RABGAP1L: variants seen among roughly 807,000 people sequenced by gnomAD.
The protein encoded by RABGAP1L is RAB GTPase activating protein 1 like, also known as rab GTPase-activating protein 1-like.
A neutral mutation model predicts 137.7 loss-of-function variants in RABGAP1L; 63 were observed. That is an observed-to-expected ratio of 0.46 (90% CI 0.37 to 0.56). The LOEUF (loss-of-function observed/expected upper bound fraction) is 0.56. Ranked by LOEUF, RABGAP1L falls within the 20% of genes least tolerant of loss-of-function variation. The probability of loss-of-function intolerance (pLI) is 0.00; values close to 1 mark genes in which losing one functional copy is unlikely to be tolerated. For missense variants in RABGAP1L, 1,095 were observed against 1,244.0 expected (o/e 0.88, Z 1.80); for synonymous variants, 431 against 433.7 (o/e 0.99, Z 0.08).
chr1:174,230,686 G>A (rs1159910571), intron 3 of RABGAP1L, among the ~76,000 whole-genome samples: 1 of 152,160 alleles, frequency 6.6e-6, no homozygotes, highest in Non-Finnish European at 1.5e-5. Flanking sequence ...ATAAGGCTAT[G>A]ACACAGGGTT....
rs796608260 is a variant in RABGAP1L, at chr1:174,808,152, AT to A, written c.2212-3672del. ...GCACCCATCACCATGCCCGGCTAAAATTTTTTTTGTATTTTTAGTAGAGATG... is the reference window on the plus strand; with the variant it reads ...GCACCCATCACCATGCCCGGCTAAAATTTTTTTGTATTTTTAGTAGAGATG... On this transcript the variant is annotated intron_variant, in intron 18 of 25. Coordinates refer to ENST00000681986, the MANE Select transcript of RABGAP1L (RefSeq NM_001366446.1). Among the ~76,000 whole-genome samples, 4 of 150,736 alleles carry A rather than the reference AT, an allele frequency of 2.7e-5. No individual in the cohort carries two copies. The East Asian group carries it at 5.8e-4, about 22-fold the overall frequency.
At chr1:174,534,991 A>G (rs960463397) in intron 13 of RABGAP1L, among the ~76,000 whole-genome samples, 1 of 152,100 alleles carries the variant, frequency 6.6e-6, no homozygotes, top group Admixed American at 6.5e-5. Context: ...CATTGAGGTT[A>G]TGCTCACATC....
At chr1:174,250,448 A>G (rs780790211) in intron 5 of RABGAP1L, 27 bp from the exon 6 acceptor site, 4 of 1,574,928 alleles carry the variant, frequency 2.5e-6, no homozygotes, top group Admixed American at 1.7e-5. Flanking sequence ...CCTTTGCCTA[A>G]TGGTATTTCC....
chr1:174,814,029 T>C (rs549669613), intron 19 of RABGAP1L, among the ~76,000 whole-genome samples: 65 of 152,190 alleles, frequency 4.3e-4, no homozygotes, highest in Non-Finnish European at 8.1e-4. Flanking sequence ...AGGAAAACAA[T>C]TGAAAAACAT....
intron 13 of RABGAP1L, among the ~76,000 whole-genome samples, chr1:174,457,418 T>C (rs1392561712): frequency 6.6e-6 from 1 of 151,686 alleles, no homozygotes; most frequent in Non-Finnish European, 1.5e-5. Context: ...AATATTAACA[T>C]GGGTAGAAGT....
Position 174,198,982 on chromosome 1 carries a change from C to T in RABGAP1L, c.-33-20143C>T, listed in dbSNP as rs1667906808. ...AATTAGCCGGGCGTGGTGGCGCATG[C>T]CTGTAATCCCAGCTACTCGGGAGGC... On this transcript the variant is annotated intron_variant, in intron 1 of 25. Coordinates refer to ENST00000681986, the MANE Select transcript of RABGAP1L (RefSeq NM_001366446.1). 1.3e-5 allele frequency among the ~76,000 whole-genome samples: 2 copies of T among 152,162 alleles called. 1 individual carries two copies. The highest frequency in any genetic ancestry group is 4.1e-4 in the South Asian group (2 of 4,830).
At position 174,471,151 on chromosome 1, in the gene RABGAP1L, T is replaced by C. The variant is rs185427419; in HGVS notation, c.1710+77006T>C. On this transcript the variant is annotated intron_variant, in intron 13 of 25. Transcript: ENST00000681986. ...ATTTACTATGATTTCTATTTCTATA[T>C]TCGTGTATGTTTTTGTGTTTGAGTT... Among the ~76,000 whole-genome samples the C allele has an allele frequency of 1.1e-3, 169 of 152,348 alleles. 1 individual carries two copies. The highest frequency in any genetic ancestry group is 1.9e-3 in the Non-Finnish European group (132 of 68,026).
intron 18 of RABGAP1L, among the ~76,000 whole-genome samples, chr1:174,766,288 A>C (rs1252662327): frequency 6.6e-6 from 1 of 152,294 alleles, no homozygotes; most frequent in Middle Eastern, 3.4e-3. Flanking sequence ...AGCATACCAT[A>C]CACTAGGGGT....
intron 19 of RABGAP1L, among the ~76,000 whole-genome samples, chr1:174,818,101 G>C (rs1383596493): frequency 1.3e-5 from 2 of 152,228 alleles, no homozygotes; most frequent in Non-Finnish European, 2.9e-5. Flanking sequence ...ACTGAAGTGA[G>C]ATCTGAGCTA....
intron 13 of RABGAP1L, among the ~76,000 whole-genome samples, chr1:174,401,483 G>A (rs763616663): frequency 7.2e-5 from 11 of 152,056 alleles, no homozygotes; most frequent in Non-Finnish European, 1.2e-4. Context: ...GTAAGCTTTC[G>A]GAATTAACAT....
At chr1:174,777,490 A>G (rs989232327) in intron 18 of RABGAP1L, among the ~76,000 whole-genome samples, 7 of 152,196 alleles carry the variant, frequency 4.6e-5, no homozygotes, top group Non-Finnish European at 8.8e-5. Context: ...TGGGGGCAAA[A>G]TCACCCCTGG....
At chr1:174,844,054 C>T (rs1435510070) in intron 19 of RABGAP1L, among the ~76,000 whole-genome samples, 64 of 150,960 alleles carry the variant, frequency 4.2e-4, no homozygotes, top group South Asian at 2.3e-3. Flanking sequence ...TCATGTCCTT[C>T]GCCCACTTTT....
At position 174,988,823 on chromosome 1, in the gene RABGAP1L, C is replaced by T. The variant is rs1182706690; in HGVS notation, c.2988C>T (p.Ala996=). 6.5e-7 allele frequency: 1 copy of T among 1,535,886 alleles called. No homozygotes were observed. The highest frequency in any genetic ancestry group is 8.8e-7 in the Non-Finnish European group (1 of 1,141,492). Residue 996 remains alanine, a synonymous_variant, in exon 25 of 26, where the codon GCC becomes GCT. Transcript: ENST00000681986. ...AAACCAAACTGCAGTTGGTGGAGGC[C>T]AAGTGTAAAATTCAGGTTGGTGATT... ...LAQTKLQLVE[A]KCKIQELEHQ...
intron 11 of RABGAP1L, among the ~76,000 whole-genome samples, chr1:174,306,314 G>A (rs1398646445): frequency 2.0e-5 from 3 of 152,186 alleles, no homozygotes; most frequent in Non-Finnish European, 2.9e-5. Context: ...GGTATTTCTA[G>A]TTCTAGATCC....
intron 13 of RABGAP1L, among the ~76,000 whole-genome samples, chr1:174,433,435 A>G (rs1427638609): frequency 6.6e-6 from 1 of 152,216 alleles, no homozygotes; most frequent in Non-Finnish European, 1.5e-5. Context: ...AAGGTGGTAA[A>G]TATACACGTA....
chr1:174,749,448 G>A (rs555474086), intron 17 of RABGAP1L, among the ~76,000 whole-genome samples: 21 of 151,928 alleles, frequency 1.4e-4, no homozygotes, highest in African/African-American at 4.8e-4. Flanking sequence ...TCCTGCCTCA[G>A]CCTCCCATGA....
Position 174,702,190 on chromosome 1 carries a change from C to T in RABGAP1L, c.2103C>T (p.Leu701=), listed in dbSNP as rs779952960. Residue 701 remains leucine, a synonymous_variant, in exon 17 of 26, where the codon CTC becomes CTT. Coordinates refer to ENST00000681986, the MANE Select transcript of RABGAP1L (RefSeq NM_001366446.1). ...ATATGTATGCATCCCAGTGGTTTCT[C>T]ACTCTTTTTACTGCCAAGTTCCCAC... is the stretch of plus-strand genomic sequence containing the variant. ...EAHMYASQWF[L]TLFTAKFPLC... 3.8e-5 allele frequency: 61 copies of T among 1,612,572 alleles called. No homozygotes were observed. Among genetic ancestry groups the T allele is most frequent in the Non-Finnish European group, 5.0e-5 (59 of 1,179,116 alleles).
chr1:174,554,043 C>T (rs1051928049), intron 13 of RABGAP1L, among the ~76,000 whole-genome samples: 1 of 152,142 alleles, frequency 6.6e-6, no homozygotes, highest in Non-Finnish European at 1.5e-5. Context: ...TATTCCTCCT[C>T]TTCAAGATTA....
At chr1:174,635,424 C>G (rs990308192) in intron 13 of RABGAP1L, among the ~76,000 whole-genome samples, 6 of 152,100 alleles carry the variant, frequency 3.9e-5, no homozygotes, top group African/African-American at 1.4e-4. Context: ...GCAGTGAAAA[C>G]TTTGGTTTGC....
Sources: gnomAD v4.1 joint callset for allele counts (sites outside exome capture counted in the v4.1 genomes callset) on GRCh38, gnomAD v4.1.1 for gene constraint, MANE v1.5 for transcripts, NCBI Gene and HGNC (gene_info 2026-07-23, HGNC 2026-07-21) for gene names.